Variants in TBC1D1 observed in about 807,000 individuals in gnomAD.
The protein encoded by TBC1D1 is TBC1 (tre-2/USP6, BUB2, cdc16) domain family, member 1.
TBC1D1 carries 89 observed loss-of-function variants against 125.6 expected under a neutral mutation model. That is an observed-to-expected ratio of 0.71 (90% CI 0.60 to 0.85). TBC1D1 has a LOEUF of 0.85. TBC1D1 is among the 40% of genes least tolerant of loss of function. The pLI, the probability that TBC1D1 is intolerant of heterozygous loss-of-function variation, is 0.00. For missense variants in TBC1D1, 1,377 were observed against 1,469.2 expected (o/e 0.94, Z 1.03); for synonymous variants, 565 against 564.1 (o/e 1.00, Z -0.02).
At chr4:38,124,187 C>T (rs942907197) in intron 17 of TBC1D1, among the ~76,000 whole-genome samples, 1 of 135,008 alleles carries the variant, frequency 7.4e-6, no homozygotes, top group Non-Finnish European at 1.6e-5. Flanking sequence ...AATTAGTTAT[C>T]GTGGCTCTGC....
rs1179075929 is a variant in TBC1D1 at position 38,004,165 on chromosome 4, T to TAGCA, written c.418-10343_418-10340dup. ...TCACACATTCATAGCTTCAGCTGCCTAGCAGTTAGGGCTGACTTTCTCCTG... is the reference window on the plus strand; with the variant it reads ...TCACACATTCATAGCTTCAGCTGCCTAGCAAGCAGTTAGGGCTGACTTTCTCCTG... On this transcript the variant is annotated intron_variant, in intron 2 of 19. Transcript: ENST00000261439. 2.6e-5 allele frequency among the ~76,000 whole-genome samples: 4 copies of TAGCA among 152,344 alleles called. No individual in the cohort carries two copies. The East Asian group carries it at 7.7e-4, about 29-fold the overall frequency.
chr4:38,029,301 A>G (rs1169178392), intron 7 of TBC1D1, among the ~76,000 whole-genome samples: 2 of 152,182 alleles, frequency 1.3e-5, no homozygotes, highest in African/African-American at 4.8e-5. Flanking sequence ...CACTGGGAAA[A>G]GACTATACTA....
At chr4:37,909,240 G>T (rs1322536699) in intron 2 of TBC1D1, among the ~76,000 whole-genome samples, 4 of 152,160 alleles carry the variant, frequency 2.6e-5, no homozygotes, top group African/African-American at 9.7e-5. Context: ...AAACAAGAAG[G>T]CAGTCTGAAG....
At chr4:38,111,931 C>A in intron 15 of TBC1D1, 1 of 985,484 alleles carries the variant, frequency 1.0e-6, no homozygotes, top group Non-Finnish European at 1.2e-6. Context: ...GTAGTGAACC[C>A]AGAGGCCTGT....
chr4:38,068,350 C>T (rs748584927), intron 12 of TBC1D1, among the ~76,000 whole-genome samples: 2 of 152,172 alleles, frequency 1.3e-5, no homozygotes, highest in African/African-American at 2.4e-5. Context: ...CTTCAGGCAG[C>T]CATGACTTTG....
intron 15 of TBC1D1, among the ~76,000 whole-genome samples, chr4:38,106,383 G>T (rs1441547022): frequency 6.6e-6 from 1 of 152,202 alleles, no homozygotes; most frequent in Non-Finnish European, 1.5e-5. Context: ...AGCGCAGGAG[G>T]CCCGTGTTGC....
chr4:38,078,042 G>A (rs1755902881), intron 12 of TBC1D1, among the ~76,000 whole-genome samples: 1 of 152,182 alleles, frequency 6.6e-6, no homozygotes. Flanking sequence ...TAAAGTTAAA[G>A]AACAGCAAAG....
At chr4:37,954,836 AT>A (rs1463960255) in intron 2 of TBC1D1, among the ~76,000 whole-genome samples, 1 of 146,716 alleles carries the variant, frequency 6.8e-6, no homozygotes, top group Non-Finnish European at 1.5e-5. Context: ...AAAAAAAAAA[AT>A]CTATGTATCA....
At chr4:37,905,107 G>A (rs377265228) in intron 2 of TBC1D1, among the ~76,000 whole-genome samples, 2 of 152,218 alleles carry the variant, frequency 1.3e-5, no homozygotes, top group South Asian at 4.1e-4. Context: ...TTAATTCACT[G>A]AGTAATGTCT....
intron 3 of TBC1D1, 148 bp downstream of exon 3, chr4:38,015,121 G>C: frequency 1.4e-6 from 1 of 722,618 alleles, no homozygotes; most frequent in East Asian, 2.8e-5. Context: ...CTATTCTTAG[G>C]ATAAGCTCCT....
At chr4:37,993,574 A>G (rs1158136781) in intron 2 of TBC1D1, among the ~76,000 whole-genome samples, 1 of 150,400 alleles carries the variant, frequency 6.6e-6, no homozygotes, top group Non-Finnish European at 1.5e-5. Flanking sequence ...GGCAAACAAC[A>G]AAGCTTTATT....
At chr4:37,964,328 G>T (rs1387237071) in intron 2 of TBC1D1, among the ~76,000 whole-genome samples, 3 of 152,198 alleles carry the variant, frequency 2.0e-5, no homozygotes, top group Non-Finnish European at 4.4e-5. Context: ...TCTCACAGTT[G>T]GAAAGGAGGG....
intron 2 of TBC1D1, chr4:37,951,932 C>A: frequency 1.4e-6 from 1 of 716,388 alleles, no homozygotes; most frequent in South Asian, 1.5e-5. Context: ...ATGTCCCTCC[C>A]TGTGACTGTA....
Position 37,924,245 on chromosome 4 carries a change from C to T in TBC1D1, c.417+21733C>T, listed in dbSNP as rs1223244076. Among the ~76,000 whole-genome samples the T allele has an allele frequency of 2.0e-5, 3 of 152,174 alleles. No individual in the cohort carries two copies. The East Asian group carries it at 5.8e-4, about 29-fold the overall frequency. On this transcript the variant is annotated intron_variant, in intron 2 of 19. Coordinates refer to ENST00000261439, the MANE Select transcript of TBC1D1 (RefSeq NM_015173.4). The stretch of plus-strand genomic sequence containing the variant: ...CAAACAATCTCATGGGATATTTTCT[C>T]ATCACAGTGCTATGAGTCAGTTCAA...
intron 15 of TBC1D1, among the ~76,000 whole-genome samples, chr4:38,103,852 A>C (rs934623575): frequency 6.6e-6 from 1 of 152,116 alleles, no homozygotes; most frequent in Non-Finnish European, 1.5e-5. Context: ...TAATCTAGAG[A>C]TGATTTAAGG....
chr4:38,007,068 C>T (rs1041033355), intron 2 of TBC1D1: 12 of 364,186 alleles, frequency 3.3e-5, no homozygotes, highest in Admixed American at 2.2e-4. Flanking sequence ...AGCACTGAGA[C>T]GAGACATGCG....
intron 10 of TBC1D1, among the ~76,000 whole-genome samples, chr4:38,046,808 T>C (rs888495686): frequency 1.3e-5 from 2 of 152,196 alleles, no homozygotes; most frequent in Non-Finnish European, 2.9e-5. Context: ...AGTTCAACTT[T>C]ATAACTCCTG....
At position 37,960,796 on chromosome 4, in the gene TBC1D1, A is replaced by G. The variant is rs780433596; in HGVS notation, c.418-53713A>G. 3.7e-6 allele frequency: 6 copies of G among 1,614,052 alleles called. No individual in the cohort carries two copies. The South Asian group carries it at 6.6e-5, about 18-fold the overall frequency. On this transcript the variant is annotated intron_variant, in intron 2 of 19. Coordinates refer to ENST00000261439, the MANE Select transcript of TBC1D1 (RefSeq NM_015173.4). ...GAAATAGAAAAATTCTTTCCCTTCA[A>G]TCTTCTAGACTTTGAGAGTTTTGAC... is the stretch of plus-strand genomic sequence containing the variant.
At chr4:37,942,158 A>G (rs1205590443) in intron 2 of TBC1D1, among the ~76,000 whole-genome samples, 1 of 152,174 alleles carries the variant, frequency 6.6e-6, no homozygotes, top group African/African-American at 2.4e-5. Context: ...TGTGGGGTCT[A>G]AGTCTCTTTG....
Sources: gnomAD v4.1 joint callset for allele counts (sites outside exome capture counted in the v4.1 genomes callset) on GRCh38, gnomAD v4.1.1 for gene constraint, MANE v1.5 for transcripts, NCBI Gene and HGNC (gene_info 2026-07-23, HGNC 2026-07-21) for gene names.